Variants in KATNIP observed in about 807,000 individuals in gnomAD.
KATNIP encodes katanin interacting protein, also known as katanin-interacting protein.
A neutral mutation model predicts 174.0 loss-of-function variants in KATNIP; 126 were observed. The ratio of observed to expected loss-of-function variants is 0.72; its 90% confidence interval spans 0.63 to 0.84. The LOEUF is 0.84. KATNIP is among the 40% of genes least tolerant of loss of function. The pLI is 0.00. For missense variants in KATNIP, 1,958 were observed against 2,109.7 expected, an observed-to-expected ratio of 0.93 and a Z score of 1.41; for synonymous variants, 810 against 835.7, an observed-to-expected ratio of 0.97 and a Z score of 0.53.
chr16:27,677,643 T>C, intron 6 of KATNIP, 86 bp from the exon 7 acceptor site: 3 of 1,321,664 alleles, frequency 2.3e-6, no homozygotes, highest in South Asian at 1.5e-5. Flanking sequence ...GGGAGAATAA[T>C]TCTTTGGTTC....
intron 8 of KATNIP, among the ~76,000 whole-genome samples, chr16:27,690,870 A>G (rs989249277): frequency 1.3e-5 from 2 of 152,280 alleles, no homozygotes; most frequent in Non-Finnish European, 2.9e-5. Flanking sequence ...CCCACATATG[A>G]ATACTGTTCC....
chr16:27,708,780 A>G lies in KATNIP; in HGVS notation c.1465A>G (p.Asn489Asp), dbSNP rs375270052. The G allele has an allele frequency of 2.5e-6, 4 of 1,613,820 alleles. No homozygotes were observed. The highest frequency in any genetic ancestry group is 3.4e-6 in the Non-Finnish European group (4 of 1,180,022). ...VTMEILSNWG[N>D]SWWVGLTEVE... is the part of the protein sequence containing the mutation. Reference sequence around the variant, plus strand: ...CATGGAGATCCTGTCCAACTGGGGCAACTCGTGGTGGGTGGGTCTCACAGA... The same window carrying G: ...CATGGAGATCCTGTCCAACTGGGGCGACTCGTGGTGGGTGGGTCTCACAGA... Residue 489 changes from asparagine to aspartate, a missense_variant, in exon 13 of 28, where the codon AAC becomes GAC. Physicochemically the swap from Asn to Asp is conservative, Grantham distance 23 (BLOSUM62 1). This residue lies in a region of KATNIP where 1,557 missense variants were observed against 1,617.8 expected (regional missense o/e 0.96). Transcript: ENST00000261588.
rs1158273129 is a variant in KATNIP, at chr16:27,778,591, T to G, written c.4819T>G (p.Cys1607Gly). Residue 1607 changes from cysteine (C) to glycine (G), a missense_variant, in exon 28 of 28, where the codon TGC becomes GGC. Transcript: ENST00000261588. ...VVDPALRPKT[C>G]ISEKETRRRR... ...CATGACAGCCTTACGTCCCAAAACC[T>G]GCATCAGCGAGAAGGAGACGAGACG... The G allele has an allele frequency of 1.2e-6, 2 of 1,613,654 alleles. No individual in the cohort carries two copies. The highest frequency in any genetic ancestry group is 2.2e-5 in the South Asian group (2 of 91,012).
Position 27,698,337 on chromosome 16 carries a change from G to A in KATNIP, c.950G>A (p.Ser317Asn). 6.2e-7 allele frequency: 1 copy of A among 1,608,324 alleles called. No homozygotes were observed. The highest frequency in any genetic ancestry group is 8.5e-7 in the Non-Finnish European group (1 of 1,176,402). Residue 317 changes from serine (S) to asparagine (N), a missense_variant, in exon 9 of 28, where the codon AGC becomes AAC. Ser to Asn is a conservative substitution (Grantham distance 46). Coordinates refer to ENST00000261588, the MANE Select transcript of KATNIP (RefSeq NM_015202.5). ...DQERMCSRPG[S>N]RRERPLSATR... ...TGTCTTCTGCCCTCAGGACCTGGAA[G>A]CCGGCGAGAGAGACCCCTGTCTGCA...
At position 27,677,775 on chromosome 16, in the gene KATNIP, A is replaced by T. The variant is rs1597145003; in HGVS notation, c.587A>T (p.Gln196Leu). ...CTTAGTGTAAATCTACAAAGGAAAC[A>T]AAAGGATTGTTCCAGCGATGAGTAT... ...LELSVNLQRK[Q>L]KDCSSDEYDS... Residue 196 changes from glutamine (Q) to leucine (L), a missense_variant, in exon 7 of 28, where the codon CAA (glutamine) becomes CTA (leucine). Around this residue, in one of 3 missense-constraint regions of KATNIP, gnomAD observed 1,557 missense variants for 1,617.8 expected, o/e 0.96. Coordinates refer to ENST00000261588, the MANE Select transcript of KATNIP (RefSeq NM_015202.5). 6.2e-7 allele frequency: 1 copy of T among 1,613,970 alleles called. No individual in the cohort carries two copies. Among genetic ancestry groups the T allele is most frequent in the East Asian group, 2.2e-5 (1 of 44,870 alleles).
chr16:27,557,332 G>T (rs1034861883), intron 1 of KATNIP, among the ~76,000 whole-genome samples: 1 of 152,002 alleles, frequency 6.6e-6, no homozygotes, highest in Non-Finnish European at 1.5e-5. Flanking sequence ...AGTACAGACG[G>T]GGTTTCACCA....
intron 2 of KATNIP, among the ~76,000 whole-genome samples, chr16:27,584,706 G>A (rs533518535): frequency 1.3e-4 from 20 of 151,966 alleles, no homozygotes; most frequent in African/African-American, 4.1e-4. Flanking sequence ...CAGGAGAATC[G>A]CATGAACCCA....
intron 8 of KATNIP, among the ~76,000 whole-genome samples, chr16:27,690,371 A>AGATAGAT (rs2078687732): frequency 1.5e-5 from 2 of 133,300 alleles, no homozygotes; most frequent in Non-Finnish European, 3.3e-5. Context: ...GATGATAGAT[A>AGATAGAT]GATAGATAGA....
At chr16:27,550,799 A>C (rs1409616634) in intron 1 of KATNIP, among the ~76,000 whole-genome samples, 1 of 152,194 alleles carries the variant, frequency 6.6e-6, no homozygotes, top group African/African-American at 2.4e-5. Context: ...AAAGTCAAAC[A>C]ACCAGCATGT....
intron 5 of KATNIP, among the ~76,000 whole-genome samples, chr16:27,640,536 T>C (rs1286484882): frequency 6.6e-6 from 1 of 152,166 alleles, no homozygotes; most frequent in Non-Finnish European, 1.5e-5. Context: ...ATGGAGGGAC[T>C]ATTTATTCCC....
intron 2 of KATNIP, among the ~76,000 whole-genome samples, chr16:27,588,325 TAA>T (rs1217763564): frequency 7.2e-5 from 11 of 152,254 alleles, no homozygotes; most frequent in African/African-American, 2.6e-4. Context: ...AAAATAAGCT[TAA>T]GTGTATAGTT....
At chr16:27,668,918 A>G (rs2077787936) in intron 6 of KATNIP, among the ~76,000 whole-genome samples, 1 of 152,144 alleles carries the variant, frequency 6.6e-6, no homozygotes, top group East Asian at 1.9e-4. Context: ...AGGTGGGAGG[A>G]TCACTTGAAC....
chr16:27,737,098 C>T (rs2080925656), intron 14 of KATNIP, among the ~76,000 whole-genome samples: 1 of 152,158 alleles, frequency 6.6e-6, no homozygotes, highest in Admixed American at 6.5e-5. Flanking sequence ...TTCAGGCACA[C>T]CAGGCACATT....
intron 15 of KATNIP, among the ~76,000 whole-genome samples, chr16:27,744,052 G>T (rs1055232941): frequency 2.0e-5 from 3 of 152,214 alleles, no homozygotes; most frequent in African/African-American, 7.2e-5. Context: ...TTTCATGCTT[G>T]TTAAGTCAGT....
At chr16:27,556,059 G>A (rs941444174) in intron 1 of KATNIP, among the ~76,000 whole-genome samples, 3 of 151,726 alleles carry the variant, frequency 2.0e-5, no homozygotes, top group Non-Finnish European at 4.4e-5. Context: ...CCTGGGAGGC[G>A]GAGGTTGCAG....
chr16:27,550,863 C>T (rs1188315936), intron 1 of KATNIP, among the ~76,000 whole-genome samples: 2 of 152,136 alleles, frequency 1.3e-5, no homozygotes, highest in African/African-American at 4.8e-5. Flanking sequence ...AATTATGGAG[C>T]TTGAGATTTG....
chr16:27,669,940 C>G (rs1448049506), intron 6 of KATNIP, among the ~76,000 whole-genome samples: 1 of 151,878 alleles, frequency 6.6e-6, no homozygotes, highest in African/African-American at 2.4e-5. Flanking sequence ...TTCCCACCTC[C>G]GCTTCCCAAA....
intron 13 of KATNIP, 97 bp from the exon 14 acceptor site, chr16:27,721,461 C>T (rs2080237826): frequency 2.1e-6 from 3 of 1,451,732 alleles, no homozygotes; most frequent in African/African-American, 2.8e-5. Context: ...CTCACCAGGC[C>T]TCTCCTGGTT....
At chr16:27,774,550 G>T (rs1285763303) in intron 23 of KATNIP, among the ~76,000 whole-genome samples, 5 of 152,136 alleles carry the variant, frequency 3.3e-5, no homozygotes, top group African/African-American at 1.2e-4. Flanking sequence ...GGCTCGGCAT[G>T]ATACTCACAT....
Sources: gnomAD v4.1 joint callset for allele counts (sites outside exome capture counted in the v4.1 genomes callset) on GRCh38, gnomAD v4.1.1 for gene constraint, gnomAD v4.1.1 regional missense constraint, MANE v1.5 for transcripts, NCBI Gene and HGNC (gene_info 2026-07-23, HGNC 2026-07-21) for gene names.